Variants in RNF19B observed in about 807,000 individuals in gnomAD.
The protein encoded by RNF19B is ring finger protein 19B.
Under a neutral mutation model 65.5 loss-of-function variants are expected in RNF19B, and 23 were observed. The observed-to-expected ratio is 0.35, with a 90% CI of 0.25 to 0.50. The LOEUF is 0.50. Ranked by LOEUF, RNF19B falls within the 20% of genes least tolerant of loss-of-function variation. The pLI is 0.98. For missense variants in RNF19B, 794 were observed against 980.0 expected (o/e 0.81, Z 2.53); for synonymous variants, 372 against 379.6 (o/e 0.98, Z 0.23).
At chr1:32,949,112 C>CT (rs1170956453) in intron 2 of RNF19B, among the ~76,000 whole-genome samples, 9 of 152,188 alleles carry the variant, frequency 5.9e-5, no homozygotes, top group Non-Finnish European at 1.0e-4. Flanking sequence ...GACATTCCTC[C>CT]TTTTAAGGTT....
chr1:32,936,840 A>G lies in RNF19B; in HGVS notation c.2162T>C (p.Val721Ala). The part of the protein sequence containing the change: ...NLSALAEGQT[V>A]LKPEGGEARV ...GGCTTCTCCACCTTCTGGCTTCAAG[A>G]CAGTTTGTCCCTCGGCTAGGGCAGA... The change falls in exon 9 of 9, where the codon GTC becomes GCC. Residue 721 changes from valine (V) to alanine (A), a missense_variant. Coordinates refer to ENST00000235150, the MANE Select transcript of RNF19B (RefSeq NM_001300826.2). 6.3e-7 allele frequency: 1 copy of G among 1,585,710 alleles called. No homozygotes were observed. Among genetic ancestry groups the G allele is most frequent in the Non-Finnish European group, 8.6e-7 (1 of 1,162,396 alleles).
Position 32,964,174 on chromosome 1 carries a change from T to C in RNF19B, c.512A>G (p.Asn171Ser), listed in dbSNP as rs1642841944. Residue 171 changes from asparagine to serine, a missense_variant, in exon 1 of 9, where the codon AAC becomes AGC. By Grantham distance (46) the Asn-to-Ser change is conservative. This residue lies in a region of RNF19B where 374 missense variants were observed against 423.8 expected (regional missense o/e 0.88). Transcript: ENST00000235150. The surrounding 1 kb of genome is among the most constrained non-coding windows in gnomAD (Gnocchi z 6.5). The stretch of plus-strand genomic sequence containing the variant: ...GAGCAGCAAGCGGATGTCGTGCGGG[T>C]TGAGTCGCTCGCTGCACTCGGGGCA... ...ISCPECSERLNPHDIRLLLAD... is the reference protein window; with the variant it reads ...ISCPECSERLSPHDIRLLLAD... 1.3e-6 allele frequency: 2 copies of C among 1,545,420 alleles called. No homozygotes were observed. The highest frequency in any genetic ancestry group is 1.7e-6 in the Non-Finnish European group (2 of 1,144,962).
At chr1:32,960,861 T>C (rs891804534) in intron 1 of RNF19B, among the ~76,000 whole-genome samples, 1 of 151,800 alleles carries the variant, frequency 6.6e-6, no homozygotes, top group East Asian at 1.9e-4. Flanking sequence ...TTAATAATAA[T>C]AATTAGCTGG....
chr1:32,938,315 T>A (rs1332870566), intron 8 of RNF19B, 82 bp downstream of exon 8: 1 of 1,450,132 alleles, frequency 6.9e-7, no homozygotes, highest in Non-Finnish European at 9.7e-7. Context: ...CATACAGCCC[T>A]AACATGAGGC....
At chr1:32,947,866 GA>G (rs1642404661) in intron 3 of RNF19B, among the ~76,000 whole-genome samples, 1 of 152,072 alleles carries the variant, frequency 6.6e-6, no homozygotes, top group Non-Finnish European at 1.5e-5. Flanking sequence ...AGGCAACATG[GA>G]TGAAAGGCAT....
In RNF19B at chr1:32,936,677, C is replaced by A; in HGVS notation, c.*129G>T. 1 of 963,572 alleles carries A rather than the reference C, an allele frequency of 1.0e-6. No individual in the cohort carries two copies. 59.7% of individuals were successfully genotyped at this position (963,572 alleles called of 1,614,324 possible). ...GTGAATTTCTCAGAATTTCCCTGGG[C>A]AAAAACCTGTGACCAGAGAATCTGT... On this transcript the variant is annotated 3_prime_UTR_variant, in exon 9 of 9. Coordinates refer to ENST00000235150, the MANE Select transcript of RNF19B (RefSeq NM_001300826.2).
At chr1:32,947,398 G>A (rs1240676960) in intron 3 of RNF19B, among the ~76,000 whole-genome samples, 2 of 152,180 alleles carry the variant, frequency 1.3e-5, no homozygotes, top group Non-Finnish European at 2.9e-5. Context: ...GGTGGCTCGC[G>A]CTTGTAATCC....
At chr1:32,960,985 C>T (rs1642757315) in intron 1 of RNF19B, among the ~76,000 whole-genome samples, 1 of 151,578 alleles carries the variant, frequency 6.6e-6, no homozygotes. Flanking sequence ...TGCTGCACTC[C>T]AGCTTGGGTG....
intron 6 of RNF19B, 96 bp from the exon 7 acceptor site, chr1:32,942,555 T>G (rs1642262431): frequency 2.0e-6 from 2 of 985,120 alleles, no homozygotes; most frequent in South Asian, 3.1e-5. Context: ...ACTAATGTAT[T>G]TACTTAATGA....
intron 1 of RNF19B, among the ~76,000 whole-genome samples, chr1:32,954,221 T>C (rs1262715660): frequency 6.6e-6 from 1 of 151,704 alleles, no homozygotes. Context: ...CCACTTTTTT[T>C]TTTTTCTTGA....
rs1252511292 is a variant in RNF19B, at chr1:32,937,030, G to A, written c.1972C>T (p.Gln658Ter). 2.5e-6 allele frequency: 4 copies of A among 1,614,102 alleles called. No individual in the cohort carries two copies. Among genetic ancestry groups the A allele is most frequent in the Non-Finnish European group, 3.4e-6 (4 of 1,180,050 alleles). Residue 658 changes from glutamine (Q) to a stop codon, truncating the protein, a stop_gained, in exon 9 of 9, where the codon CAG becomes TAG. Coordinates refer to ENST00000235150, the MANE Select transcript of RNF19B (RefSeq NM_001300826.2). LOFTEE classifies it high-confidence loss of function. The stretch of plus-strand genomic sequence containing the variant: ...AGGTCACTGCGGATGCTTTCAGGCT[G>A]GGCCAGGCTGATGTCCCAAGGTTTG... ...ASKPWDISLA[Q>*]PESIRSDLES...
intron 3 of RNF19B, 60 bp from the exon 4 acceptor site, chr1:32,946,624 A>G: frequency 6.9e-7 from 1 of 1,459,476 alleles, no homozygotes; most frequent in Admixed American, 2.0e-5. Flanking sequence ...GTATTATCAT[A>G]GGGCTTGATA....
At chr1:32,958,596 G>C (rs1050371915) in intron 1 of RNF19B, among the ~76,000 whole-genome samples, 4 of 151,934 alleles carry the variant, frequency 2.6e-5, no homozygotes, top group African/African-American at 9.7e-5. Flanking sequence ...GGTGCCTGTA[G>C]TCCCAGCTAC....
At chr1:32,944,298 T>A in intron 5 of RNF19B, 139 bp from the exon 6 acceptor site, 2 of 843,960 alleles carry the variant, frequency 2.4e-6, no homozygotes, top group African/African-American at 3.4e-5. Flanking sequence ...GGTGGCCTGG[T>A]GTAACAGAAT....
intron 1 of RNF19B, among the ~76,000 whole-genome samples, chr1:32,963,405 C>T (rs988905437): frequency 2.6e-5 from 4 of 152,118 alleles, no homozygotes; most frequent in African/African-American, 9.7e-5. Context: ...ATCCCCTCCC[C>T]ACTCTCATTA....
intron 7 of RNF19B, among the ~76,000 whole-genome samples, chr1:32,940,599 C>G (rs965027473): frequency 2.0e-5 from 3 of 152,210 alleles, no homozygotes; most frequent in African/African-American, 7.2e-5. Context: ...TCATCTTAAT[C>G]TACCTTTTGG....
chr1:32,951,312 C>T (rs1214926602), intron 1 of RNF19B, among the ~76,000 whole-genome samples: 3 of 152,246 alleles, frequency 2.0e-5, no homozygotes. Context: ...AGCAGTTGCA[C>T]TTCTCCAACG....
In RNF19B at chr1:32,964,115, ACTC is replaced by A; in HGVS notation, c.568_570del (p.Glu190del). 1 of 1,536,784 alleles carries A rather than the reference ACTC, an allele frequency of 6.5e-7. No individual in the cohort carries two copies. Among genetic ancestry groups the A allele is most frequent in the Non-Finnish European group, 8.8e-7 (1 of 1,141,452 alleles). On this transcript the variant is annotated inframe_deletion, in exon 1 of 9. Coordinates refer to ENST00000235150, the MANE Select transcript of RNF19B (RefSeq NM_001300826.2). This position sits in a 1 kb window ranked among gnomAD's most constrained non-coding sequence, Gnocchi z 6.5. ...GAGGCTAGGTAGCGGCGCAGCATGA[ACTC>A]CTCGTACTTGTGCATAAGCGGCGGG...
In RNF19B at chr1:32,948,446, T is replaced by C; in HGVS notation, c.842-83A>G. The C allele has an allele frequency of 2.8e-6, 4 of 1,443,982 alleles. No individual in the cohort carries two copies. In the South Asian group the frequency reaches 3.9e-5, roughly 14 times the overall value. 89.4% of individuals were successfully genotyped at this position (1,443,982 alleles called of 1,614,324 possible). On this transcript the variant is annotated intron_variant, in intron 2 of 8. Transcript: ENST00000235150. ...ATTTAATTGTTCCTAGGAGTATATA[T>C]AAGAAATGAGGCAGCAGTCAAGAAC...
Sources: gnomAD v4.1 joint callset for allele counts (sites outside exome capture counted in the v4.1 genomes callset) on GRCh38, gnomAD v4.1.1 for gene constraint, gnomAD v4.1.1 regional missense constraint, Gnocchi (gnomAD v3.1) non-coding constraint, MANE v1.5 for transcripts, NCBI Gene and HGNC (gene_info 2026-07-23, HGNC 2026-07-21) for gene names.